The following CDH22 variants were observed in gnomAD, a reference collection of about 807,000 sequenced individuals.
CDH22 encodes the protein cadherin-22.
A neutral mutation model predicts 58.4 loss-of-function variants in CDH22; 30 were observed. The observed-to-expected ratio is 0.51, with a 90% confidence interval of 0.38 to 0.70. The LOEUF (loss-of-function observed/expected upper bound fraction) is 0.70, where lower values mean the gene tolerates loss of function less well. Ranked by LOEUF, CDH22 falls within the 30% of genes least tolerant of loss-of-function variation. The probability of loss-of-function intolerance (pLI) is 0.00; values close to 1 mark genes in which losing one functional copy is unlikely to be tolerated. For missense variants in CDH22, 1,014 were observed against 1,233.9 expected (o/e 0.82, Z 2.67); for synonymous variants, 513 against 558.2 (o/e 0.92, Z 1.14).
In CDH22 at chr20:46,210,533, G is replaced by A. The variant is rs759642023; in HGVS notation, c.1060C>T (p.His354Tyr). 7.0e-7 allele frequency: 1 copy of A among 1,431,642 alleles called. No individual in the cohort carries two copies. Among genetic ancestry groups the A allele is most frequent in the Non-Finnish European group, 9.2e-7 (1 of 1,089,858 alleles). The allele number at this position is 1,431,642 out of a possible 1,614,324, so 88.7% of individuals were successfully genotyped here. The change falls in exon 7 of 12, where the codon CAC (histidine) becomes TAC (tyrosine). Residue 354 changes from histidine to tyrosine, a missense_variant. By Grantham distance (83) the His-to-Tyr change is moderately conservative. Around this residue, in one of 2 missense-constraint regions of CDH22, gnomAD observed 806 missense variants for 1,038.7 expected, o/e 0.78. Coordinates refer to ENST00000537909, the MANE Select transcript of CDH22 (RefSeq NM_021248.3). This position sits in a 1 kb window ranked among gnomAD's most constrained non-coding sequence, Gnocchi z 4.5. ...TTGAGGGCCTCCAGGATCACGGTGT[G>A]CACGGGCTGGGATTCGAAGTCCAGG... Reference protein sequence around the residue: ...KRLDFESQPVHTVILEALNKF... With the variant: ...KRLDFESQPVYTVILEALNKF...
In CDH22 at chr20:46,174,436, A is replaced by G; in HGVS notation, c.*70T>C. 1 of 1,106,300 alleles carries G rather than the reference A, an allele frequency of 9.0e-7. No homozygotes were observed. Among genetic ancestry groups the G allele is most frequent in the Non-Finnish European group, 1.2e-6 (1 of 823,164 alleles). 68.5% of individuals were successfully genotyped at this position (1,106,300 alleles called of 1,614,324 possible). On this transcript the variant is annotated 3_prime_UTR_variant, in exon 12 of 12. Coordinates refer to ENST00000537909, the MANE Select transcript of CDH22 (RefSeq NM_021248.3). The surrounding 1 kb of genome is among the most constrained non-coding windows in gnomAD (Gnocchi z 4.4). ...GCAGGAAAGGGGGTCCGCGGGGGAA[A>G]CGCGTTGTCCTGGGGCCCCGGCGTG...
Position 46,174,595 on chromosome 20 carries a change from C to T in CDH22, c.2398G>A (p.Ala800Thr), listed in dbSNP as rs773224121. The change falls in exon 12 of 12, where the codon GCC (alanine) becomes ACC (threonine). Residue 800 changes from alanine (A) to threonine (T), a missense_variant. Transcript: ENST00000537909. The surrounding 1 kb of genome is among the most constrained non-coding windows in gnomAD (Gnocchi z 4.4). ...SGSSGSEQDF[A>T]YLSSWGPRFR... Reference sequence around the variant, plus strand: ...CGCGGACCCCAGCTGCTGAGATAGGCGAAGTCCTGCTCGGAGCCCGACGAG... The same window carrying T: ...CGCGGACCCCAGCTGCTGAGATAGGTGAAGTCCTGCTCGGAGCCCGACGAG... 7 of 1,534,694 alleles carry T rather than the reference C, an allele frequency of 4.6e-6. No individual in the cohort carries two copies. In the South Asian group the frequency reaches 4.8e-5, roughly 11 times the overall value.
chr20:46,217,102 C>T (rs1464988843), intron 4 of CDH22, 109 bp from the exon 5 acceptor site: 2 of 1,116,612 alleles, frequency 1.8e-6, no homozygotes, highest in South Asian at 3.0e-5. Flanking sequence ...GAAAATTAAG[C>T]TCAGGAGGAG....
chr20:46,177,907 G>A (rs1337853049), intron 11 of CDH22, 39 bp downstream of exon 11: 1 of 1,604,280 alleles, frequency 6.2e-7, no homozygotes, highest in Admixed American at 1.7e-5. Flanking sequence ...CCAGGATGGG[G>A]CCAATCAGGC....
At chr20:46,177,807 A>T in intron 11 of CDH22, 139 bp downstream of exon 11, 2 of 1,097,752 alleles carry the variant, frequency 1.8e-6, no homozygotes, top group Non-Finnish European at 1.3e-6. Context: ...GCTGCTTGTT[A>T]GAGCTTGGAG....
intron 10 of CDH22, among the ~76,000 whole-genome samples, chr20:46,181,873 G>A (rs893754141): frequency 2.0e-5 from 3 of 149,676 alleles, no homozygotes; most frequent in African/African-American, 7.4e-5. Context: ...TTGGAGTGCA[G>A]TGGTGCAATC....
rs557626664 is a variant in CDH22 at position 46,200,445 on chromosome 20, AT to A, written c.1287-887del. ...AGGTGCGTGCCACCACGCCCAGCTAATTTTTTTTTTTTTTTTTTCAGAGACA... is the reference window on the plus strand; with the variant it reads ...AGGTGCGTGCCACCACGCCCAGCTAATTTTTTTTTTTTTTTTTCAGAGACA... On this transcript the variant is annotated intron_variant, in intron 7 of 11. Coordinates refer to ENST00000537909, the MANE Select transcript of CDH22 (RefSeq NM_021248.3). 7.1e-3 allele frequency among the ~76,000 whole-genome samples: 922 copies of A among 130,434 alleles called. 5 individuals carry two copies. Among genetic ancestry groups the A allele is most frequent in the East Asian group, 0.037 (170 of 4,580 alleles). The allele number at this position is 130,434 out of a possible 152,430, so 85.6% of individuals were successfully genotyped here.
intron 1 of CDH22, among the ~76,000 whole-genome samples, chr20:46,264,663 G>A (rs554329246): frequency 6.6e-6 from 1 of 152,256 alleles, no homozygotes; most frequent in African/African-American, 2.4e-5. Context: ...TGGGCCGGGA[G>A]GTGCTCAGTG....
chr20:46,257,722 G>T (rs1282044033), intron 1 of CDH22, among the ~76,000 whole-genome samples: 1 of 152,224 alleles, frequency 6.6e-6, no homozygotes, highest in Admixed American at 6.5e-5. Flanking sequence ...GAGTTCAGGG[G>T]TGAGGTCCTG....
In CDH22 at chr20:46,199,498, C is replaced by A. The variant is rs750523590; in HGVS notation, c.1348G>T (p.Ala450Ser). 1.2e-6 allele frequency: 2 copies of A among 1,613,872 alleles called. No homozygotes were observed. The highest frequency in any genetic ancestry group is 1.7e-6 in the Non-Finnish European group (2 of 1,179,970). ...QIFDIDADTG[A>S]IVTGKGLDRE... is the part of the protein sequence containing the mutation. ...TCCAGCCCCTTGCCAGTCACGATGG[C>A]GCCTGTGTCCGCATCGATATCGAAG... The change falls in exon 8 of 12, where the codon GCC (alanine) becomes TCC (serine). Residue 450 changes from alanine to serine, a missense_variant. Ala to Ser is a moderately conservative substitution (Grantham distance 99). Coordinates refer to ENST00000537909, the MANE Select transcript of CDH22 (RefSeq NM_021248.3).
rs1461876295 is a variant in CDH22 at position 46,241,993 on chromosome 20, G to A, written c.256-736C>T. On this transcript the variant is annotated intron_variant, in intron 2 of 11. Transcript: ENST00000537909. This position sits in a 1 kb window ranked among gnomAD's most constrained non-coding sequence, Gnocchi z 5.2. ...CTGCTCCCTAGACTCTGCACCCCAG[G>A]AGATTGGGGTGGCATCTTCCTCATT... is the stretch of plus-strand genomic sequence containing the variant. 6.6e-6 allele frequency among the ~76,000 whole-genome samples: 1 copy of A among 152,146 alleles called. No homozygotes were observed.
At chr20:46,307,082 G>A (rs1315370855) in intron 1 of CDH22, among the ~76,000 whole-genome samples, 1 of 152,206 alleles carries the variant, frequency 6.6e-6, no homozygotes, top group East Asian at 1.9e-4. Context: ...CAGAAACCTG[G>A]GGAGTGCTGG....
chr20:46,247,707 C>T (rs555926492), intron 2 of CDH22, among the ~76,000 whole-genome samples: 2 of 152,218 alleles, frequency 1.3e-5, no homozygotes, highest in South Asian at 4.2e-4. Flanking sequence ...CATAAGCAGC[C>T]GAGCTGGGAT....
At chr20:46,262,703 T>C (rs1418396627) in intron 1 of CDH22, among the ~76,000 whole-genome samples, 1 of 152,158 alleles carries the variant, frequency 6.6e-6, no homozygotes, top group South Asian at 2.1e-4. Flanking sequence ...ACAACTGATA[T>C]GTTGTGGAGT....
chr20:46,194,778 G>A (rs993246357), intron 8 of CDH22, among the ~76,000 whole-genome samples: 1 of 152,154 alleles, frequency 6.6e-6, no homozygotes. Flanking sequence ...CTCCCAGGCT[G>A]GAGTGCAGTG....
At chr20:46,298,128 C>G (rs1343828765) in intron 1 of CDH22, among the ~76,000 whole-genome samples, 1 of 152,214 alleles carries the variant, frequency 6.6e-6, no homozygotes, top group East Asian at 1.9e-4. Flanking sequence ...ATAAGGTTGT[C>G]CTCCCTCACA....
At chr20:46,226,999 C>G (rs932332962) in intron 4 of CDH22, among the ~76,000 whole-genome samples, 3 of 152,188 alleles carry the variant, frequency 2.0e-5, no homozygotes, top group Non-Finnish European at 4.4e-5. Flanking sequence ...AGAAAGAAGC[C>G]ACTCTTCCTT....
At chr20:46,274,528 A>G (rs2145760573) in intron 1 of CDH22, among the ~76,000 whole-genome samples, 1 of 152,354 alleles carries the variant, frequency 6.6e-6, no homozygotes, top group East Asian at 1.9e-4. Context: ...TAGTTTCTTT[A>G]AAAGTTAAAT....
At chr20:46,252,411 TCCCCACTCTTGGACCAGCCTGCCGTCC>T (rs1369847594) in intron 1 of CDH22, among the ~76,000 whole-genome samples, 1 of 152,148 alleles carries the variant, frequency 6.6e-6, no homozygotes, top group African/African-American at 2.4e-5. Flanking sequence ...ACATCTTTCC[TCCCCACTCTTGGACCAGCCTGCCGTCC>T]CCAGATCCAT....
Sources: allele counts gnomAD v4.1 joint callset (sites outside exome capture counted in the v4.1 genomes callset), GRCh38; gene constraint gnomAD v4.1.1; regional missense constraint gnomAD v4.1.1; non-coding constraint Gnocchi (gnomAD v3.1); transcripts MANE v1.5; gene names NCBI Gene and HGNC (gene_info 2026-07-23, HGNC 2026-07-21).